Variants in THSD7B observed in about 807,000 individuals in gnomAD.
THSD7B encodes the protein thrombospondin type-1 domain-containing protein 7B.
In THSD7B, 138 loss-of-function variants were observed where a neutral mutation model predicts 213.6. That is an observed-to-expected ratio of 0.65 (90% CI 0.56 to 0.74). The LOEUF is 0.74. Ranked by LOEUF, THSD7B falls within the 30% of genes least tolerant of loss-of-function variation. The pLI is 0.00. For missense variants in THSD7B, 1,931 were observed against 1,991.5 expected, an observed-to-expected ratio of 0.97 and a Z score of 0.58; for synonymous variants, 742 against 687.0, an observed-to-expected ratio of 1.08 and a Z score of -1.25.
chr2:136,828,097 C>T (rs763693474), intron 1 of THSD7B, among the ~76,000 whole-genome samples: 31 of 152,036 alleles, frequency 2.0e-4, no homozygotes, highest in Non-Finnish European at 3.7e-4. Context: ...AATTTTTGTT[C>T]TCCAGCCCTC....
At chr2:137,314,156 G>C (rs1482074545) in intron 12 of THSD7B, among the ~76,000 whole-genome samples, 1 of 152,148 alleles carries the variant, frequency 6.6e-6, no homozygotes, top group Non-Finnish European at 1.5e-5. Context: ...ATCAGATGTA[G>C]ATTTGGTCTT....
At chr2:137,150,266 AAAAG>A (rs1479540274) in intron 5 of THSD7B, among the ~76,000 whole-genome samples, 1 of 152,004 alleles carries the variant, frequency 6.6e-6, no homozygotes, top group Non-Finnish European at 1.5e-5. Flanking sequence ...AAGAAAAAGA[AAAAG>A]AAAGAAATGT....
At chr2:136,935,993 TTAGAAATATATATTTC>T (rs976459981) in intron 2 of THSD7B, among the ~76,000 whole-genome samples, 5 of 148,182 alleles carry the variant, frequency 3.4e-5, no homozygotes, top group Non-Finnish European at 5.9e-5. Context: ...TATTTTAAAT[TTAGAAATATATATTTC>T]TAGAAATATA....
chr2:137,196,891 C>T (rs1025593153), intron 7 of THSD7B, among the ~76,000 whole-genome samples: 3 of 152,122 alleles, frequency 2.0e-5, no homozygotes, highest in African/African-American at 7.2e-5. Flanking sequence ...AAGGGATATT[C>T]AAACTGTAAT....
At chr2:137,072,026 T>C (rs1687502493) in intron 3 of THSD7B, among the ~76,000 whole-genome samples, 1 of 152,228 alleles carries the variant, frequency 6.6e-6, no homozygotes, top group Non-Finnish European at 1.5e-5. Flanking sequence ...TAGTATAGTT[T>C]GAAGTCAGGT....
intron 20 of THSD7B, among the ~76,000 whole-genome samples, chr2:137,621,634 C>G (rs938542418): frequency 6.6e-6 from 1 of 152,120 alleles, no homozygotes; most frequent in Non-Finnish European, 1.5e-5. Flanking sequence ...TAAAACAGAG[C>G]TGGCTTAGAA....
chr2:137,604,842 A>T (rs1166668690), intron 17 of THSD7B, among the ~76,000 whole-genome samples: 1 of 152,210 alleles, frequency 6.6e-6, no homozygotes, highest in African/African-American at 2.4e-5. Context: ...TGATTTCTTA[A>T]AGAAGTATGT....
At chr2:137,469,230 C>T (rs994437474) in intron 15 of THSD7B, among the ~76,000 whole-genome samples, 9 of 151,898 alleles carry the variant, frequency 5.9e-5, no homozygotes, top group East Asian at 3.9e-4. Context: ...ATAATTCTGG[C>T]GAGAAAAATT....
intron 15 of THSD7B, among the ~76,000 whole-genome samples, chr2:137,541,181 A>G (rs1680603172): frequency 6.6e-6 from 1 of 151,758 alleles, no homozygotes; most frequent in African/African-American, 2.4e-5. Context: ...AAAAGTAACT[A>G]AACAAATAAC....
chr2:137,055,437 A>G (rs1687146149), intron 2 of THSD7B, among the ~76,000 whole-genome samples: 1 of 152,234 alleles, frequency 6.6e-6, no homozygotes, highest in Non-Finnish European at 1.5e-5. Context: ...AAATAAAATG[A>G]AAGAGAAGAA....
intron 12 of THSD7B, among the ~76,000 whole-genome samples, chr2:137,319,455 G>T (rs531585127): frequency 6.6e-6 from 1 of 152,096 alleles, no homozygotes; most frequent in Non-Finnish European, 1.5e-5. Flanking sequence ...TCTCTTATTA[G>T]CAATGTTTCA....
intron 7 of THSD7B, among the ~76,000 whole-genome samples, chr2:137,185,474 G>T (rs1475775743): frequency 2.0e-5 from 3 of 152,010 alleles, no homozygotes; most frequent in Admixed American, 1.3e-4. Context: ...AACTCCCACT[G>T]ATAAGTGAGG....
rs577715586 is a variant in THSD7B, at chr2:136,952,696, T to A, written c.139+70379T>A. Among the ~76,000 whole-genome samples, 2 of 152,292 alleles carry A rather than the reference T, an allele frequency of 1.3e-5. 1 individual carries two copies. Among genetic ancestry groups the A allele is most frequent in the African/African-American group, 4.8e-5 (2 of 41,568 alleles). ...AAGAACCTAAAATTTCTATTGTGTTTTATGTTGAGTATGGTAACAAAGAGG... is the reference window on the plus strand; with the variant it reads ...AAGAACCTAAAATTTCTATTGTGTTATATGTTGAGTATGGTAACAAAGAGG... On this transcript the variant is annotated intron_variant, in intron 2 of 27. Coordinates refer to ENST00000409968, the MANE Select transcript of THSD7B (RefSeq NM_001316349.2).
In THSD7B at chr2:137,586,893, G is replaced by A. The variant is rs1365401674; in HGVS notation, c.3423+14337G>A. ...TTTGAATGTTGGCCTGCCTTGCTAGGTTGGGTAAGTTCTCCTGGAAAATAT... is the reference window on the plus strand; with the variant it reads ...TTTGAATGTTGGCCTGCCTTGCTAGATTGGGTAAGTTCTCCTGGAAAATAT... On this transcript the variant is annotated intron_variant, in intron 17 of 27. Transcript: ENST00000409968. Among the ~76,000 whole-genome samples the A allele has an allele frequency of 3.9e-5, 6 of 152,272 alleles. No homozygotes were observed. In the East Asian group the frequency reaches 7.7e-4, roughly 20 times the overall value.
At chr2:136,974,291 C>T (rs189872214) in intron 2 of THSD7B, among the ~76,000 whole-genome samples, 12 of 152,218 alleles carry the variant, frequency 7.9e-5, no homozygotes, top group Admixed American at 2.6e-4. Context: ...ATCAACCCAT[C>T]ACCTAGGTAT....
chr2:137,132,657 A>G lies in THSD7B; in HGVS notation c.1369+17364A>G, dbSNP rs1368276985. 2.0e-5 allele frequency among the ~76,000 whole-genome samples: 3 copies of G among 152,168 alleles called. No homozygotes were observed. In the East Asian group the frequency reaches 5.8e-4, roughly 29 times the overall value. ...TTACTAACTAAGATAGTGGAATCAT[A>G]AGGTCTACAATTGGAAAGGAATTCG... On this transcript the variant is annotated intron_variant, in intron 5 of 27. Transcript: ENST00000409968.
intron 1 of THSD7B, among the ~76,000 whole-genome samples, chr2:136,800,772 CAGAGAGAG>C (rs146528799): frequency 1.4e-5 from 2 of 146,862 alleles, no homozygotes; most frequent in Non-Finnish European, 1.5e-5. Context: ...AATGGTAAGG[CAGAGAGAG>C]AGAGAGAGAG....
chr2:137,292,638 T>A (rs1683361587), intron 12 of THSD7B, among the ~76,000 whole-genome samples: 1 of 152,198 alleles, frequency 6.6e-6, no homozygotes, highest in South Asian at 2.1e-4. Context: ...CTTCCTTACA[T>A]TACCAGAAAA....
At chr2:137,296,745 C>G (rs1481187806) in intron 12 of THSD7B, among the ~76,000 whole-genome samples, 1 of 152,064 alleles carries the variant, frequency 6.6e-6, no homozygotes, top group Non-Finnish European at 1.5e-5. Context: ...AAAACAACAA[C>G]TACACAGAGG....
Sources: gnomAD v4.1 joint callset for allele counts (sites outside exome capture counted in the v4.1 genomes callset) on GRCh38, gnomAD v4.1.1 for gene constraint, MANE v1.5 for transcripts, NCBI Gene and HGNC (gene_info 2026-07-23, HGNC 2026-07-21) for gene names.